The following SVEP1 variants were observed in gnomAD, a reference collection of about 807,000 sequenced individuals.
SVEP1 encodes the protein sushi, von Willebrand factor type A, EGF and pentraxin domain containing 1, also known as sushi, von Willebrand factor type A, EGF and pentraxin domain-containing protein 1.
In SVEP1, 164 loss-of-function variants were observed where a neutral mutation model predicts 367.3. The ratio of observed to expected loss-of-function variants is 0.45; its 90% CI spans 0.39 to 0.51. The LOEUF (loss-of-function observed/expected upper bound fraction) is 0.51, where lower values mean the gene tolerates loss of function less well. Ranked by LOEUF, SVEP1 falls within the 20% of genes least tolerant of loss-of-function variation. SVEP1 has a pLI of 0.00. For synonymous variants in SVEP1, 1,666 were observed against 1,611.6 expected (o/e 1.03, Z -0.81); for missense variants, 4,117 against 4,425.3 (o/e 0.93, Z 1.98).
intron 43 of SVEP1, among the ~76,000 whole-genome samples, chr9:110,385,333 G>C (rs776655263): frequency 5.3e-5 from 8 of 152,180 alleles, no homozygotes; most frequent in Non-Finnish European, 1.0e-4. Context: ...AAAACGTTGC[G>C]TTATCACAAG....
At chr9:110,431,413 G>T (rs1828347101) in intron 32 of SVEP1, among the ~76,000 whole-genome samples, 1 of 152,160 alleles carries the variant, frequency 6.6e-6, no homozygotes, top group Admixed American at 6.5e-5. Context: ...AACAAATGAA[G>T]AAATACAACA....
chr9:110,391,765 C>G (rs1827658952), intron 40 of SVEP1, among the ~76,000 whole-genome samples: 1 of 151,988 alleles, frequency 6.6e-6, no homozygotes, highest in Non-Finnish European at 1.5e-5. Flanking sequence ...CATGAGGTGC[C>G]CAGCTTAAAC....
At chr9:110,551,059 ATAAAT>A (rs1278554843) in intron 1 of SVEP1, among the ~76,000 whole-genome samples, 1 of 152,230 alleles carries the variant, frequency 6.6e-6, no homozygotes. Context: ...CTATTAAAAA[ATAAAT>A]TAATTTTTAA....
At chr9:110,516,818 A>G (rs1376617337) in intron 3 of SVEP1, among the ~76,000 whole-genome samples, 2 of 152,222 alleles carry the variant, frequency 1.3e-5, no homozygotes, top group Non-Finnish European at 2.9e-5. Context: ...ATGCAAAGAT[A>G]TGAGAAGTAA....
At chr9:110,521,260 A>G (rs999324503) in intron 3 of SVEP1, among the ~76,000 whole-genome samples, 1 of 152,156 alleles carries the variant, frequency 6.6e-6, no homozygotes, top group Admixed American at 6.5e-5. Context: ...CCTGAATTCT[A>G]TACATCTGTA....
chr9:110,447,177 A>C, intron 24 of SVEP1, 120 bp from the exon 25 acceptor site: 1 of 922,668 alleles, frequency 1.1e-6, no homozygotes, highest in Non-Finnish European at 1.5e-6. Flanking sequence ...CTACACCAAA[A>C]CAGTGCTTTA....
At chr9:110,541,274 TG>T (rs11367426) in intron 3 of SVEP1, among the ~76,000 whole-genome samples, 145,384 of 152,236 alleles carry the variant, frequency 0.95, 69,649 homozygotes, top group African/African-American at 0.99. Flanking sequence ...TTATTATTAT[TG>T]TTTTTAAACT....
chr9:110,565,573 C>T (rs1388176572), intron 1 of SVEP1, among the ~76,000 whole-genome samples: 1 of 152,068 alleles, frequency 6.6e-6, no homozygotes, highest in Non-Finnish European at 1.5e-5. Context: ...GCAGGAGATG[C>T]TAGCTGATAT....
chr9:110,441,312 A>C (rs1311052278), intron 27 of SVEP1, among the ~76,000 whole-genome samples: 1 of 152,180 alleles, frequency 6.6e-6, no homozygotes, highest in East Asian at 1.9e-4. Context: ...ATCTTACAAC[A>C]ACCTAATGTT....
In SVEP1 at chr9:110,450,126, C is replaced by T. The variant is rs376449068; in HGVS notation, c.4036G>A (p.Val1346Ile). 1.2e-4 allele frequency: 195 copies of T among 1,613,958 alleles called. 1 individual carries two copies. The highest frequency in any genetic ancestry group is 2.0e-4 in the South Asian group (18 of 91,084). The part of the protein sequence containing the change: ...GFLGTRCGKN[V>I]DECLSQPCKN... ...CATGGCTGACTGAGACACTCATCGA[C>T]GTTCTTTCCACATCGGGTACCCAAA... Residue 1346 changes from valine to isoleucine, a missense_variant, in exon 24 of 48, where the codon GTC (valine) becomes ATC (isoleucine). Around this residue, in one of 4 missense-constraint regions of SVEP1, gnomAD observed 2,174 missense variants for 2,494.3 expected, o/e 0.87. Transcript: ENST00000374469.
Position 110,440,308 on chromosome 9 carries a change from C to T in SVEP1, c.4639+3237G>A, listed in dbSNP as rs1385030032. ...TTTGGGGATCAGCCAACCATTCTTC[C>T]TCACACAAACCCCATTCATGGCTCC... is the stretch of plus-strand genomic sequence containing the variant. On this transcript the variant is annotated intron_variant, in intron 27 of 47. Transcript: ENST00000374469. Among the ~76,000 whole-genome samples, 4 of 152,160 alleles carry T rather than the reference C, an allele frequency of 2.6e-5. No individual in the cohort carries two copies. In the South Asian group the frequency reaches 6.2e-4, roughly 24 times the overall value.
At chr9:110,514,942 T>C (rs1023291470) in intron 3 of SVEP1, among the ~76,000 whole-genome samples, 1 of 152,070 alleles carries the variant, frequency 6.6e-6, no homozygotes, top group Non-Finnish European at 1.5e-5. Flanking sequence ...GAGGAGAAAG[T>C]GAAGAGCTTG....
intron 47 of SVEP1, among the ~76,000 whole-genome samples, chr9:110,367,915 T>C (rs758691999): frequency 7.9e-5 from 12 of 152,084 alleles, no homozygotes; most frequent in Non-Finnish European, 1.6e-4. Flanking sequence ...CCCTCATCTC[T>C]ACTAAAAATA....
chr9:110,518,289 G>C (rs1460838711), intron 3 of SVEP1, among the ~76,000 whole-genome samples: 4 of 152,058 alleles, frequency 2.6e-5, no homozygotes, highest in African/African-American at 9.6e-5. Context: ...CGGGTATGGT[G>C]GTGCACACCT....
rs1827543003 is a variant in SVEP1 at position 110,387,440 on chromosome 9, G to T, written c.9905C>A (p.Pro3302Gln). Residue 3302 changes from proline (P) to glutamine (Q), a missense_variant, in exon 42 of 48, where the codon CCA becomes CAA. Coordinates refer to ENST00000374469, the MANE Select transcript of SVEP1 (RefSeq NM_153366.4). ...AICKETRCET[P>Q]LEFLNGKADI... is the part of the protein sequence containing the mutation. ...AGCTTTCCCATTGAGAAATTCAAGT[G>T]GAGTTTCACACCTGGTCTCTAAAAA... 6.2e-7 allele frequency: 1 copy of T among 1,609,258 alleles called. No homozygotes were observed. Among genetic ancestry groups the T allele is most frequent in the East Asian group, 2.2e-5 (1 of 44,772 alleles).
chr9:110,375,600 G>A (rs1827340464), intron 45 of SVEP1, 137 bp from the exon 46 acceptor site: 1 of 686,824 alleles, frequency 1.5e-6, no homozygotes. Context: ...CACTAAATAA[G>A]TTTCCTGCAT....
At chr9:110,489,513 T>C in intron 9 of SVEP1, 137 bp downstream of exon 9, 1 of 742,006 alleles carries the variant, frequency 1.3e-6, no homozygotes, top group Admixed American at 3.0e-5. Flanking sequence ...TTCACTATCA[T>C]GAGGACAGCA....
At chr9:110,505,750 C>T (rs1036804260) in intron 5 of SVEP1, among the ~76,000 whole-genome samples, 13 of 151,950 alleles carry the variant, frequency 8.6e-5, no homozygotes, top group African/African-American at 3.1e-4. Context: ...TTAGTGACTT[C>T]CTTATCTATG....
chr9:110,499,260 A>G, intron 6 of SVEP1, 22 bp from the exon 7 acceptor site: 1 of 1,587,846 alleles, frequency 6.3e-7, no homozygotes, highest in Admixed American at 1.8e-5. Context: ...AAACAGAGAG[A>G]ATGTTATTTG....
Sources: gnomAD v4.1 joint callset for allele counts (sites outside exome capture counted in the v4.1 genomes callset) on GRCh38, gnomAD v4.1.1 for gene constraint, gnomAD v4.1.1 regional missense constraint, MANE v1.5 for transcripts, NCBI Gene and HGNC (gene_info 2026-07-23, HGNC 2026-07-21) for gene names.